RGS9: variants seen among roughly 807,000 people sequenced by gnomAD.
RGS9 encodes regulator of G protein signaling 9.
Under a neutral mutation model 102.0 loss-of-function variants are expected in RGS9, and 78 were observed. The ratio of observed to expected loss-of-function variants is 0.76; its 90% CI spans 0.64 to 0.92. RGS9 has a LOEUF of 0.92. Ranked by LOEUF, RGS9 falls within the 40% of genes least tolerant of loss-of-function variation. The pLI, the probability that RGS9 is intolerant of heterozygous loss-of-function variation, is 0.00. For missense variants in RGS9, 833 were observed against 866.1 expected (o/e 0.96, Z 0.48); for synonymous variants, 353 against 318.6 (o/e 1.11, Z -1.15).
intron 17 of RGS9, among the ~76,000 whole-genome samples, chr17:65,220,037 C>A (rs1026848384): frequency 6.6e-6 from 1 of 151,930 alleles, no homozygotes; most frequent in African/African-American, 2.4e-5. Context: ...ACCATCATCA[C>A]CATCATCACC....
chr17:65,201,546 A>G (rs1240782658), intron 13 of RGS9, among the ~76,000 whole-genome samples: 3 of 152,240 alleles, frequency 2.0e-5, no homozygotes, highest in Non-Finnish European at 2.9e-5. Context: ...GTAGCAACGC[A>G]TGTATAGAAG....
intron 9 of RGS9, among the ~76,000 whole-genome samples, chr17:65,178,781 A>G (rs147779673): frequency 6.6e-6 from 1 of 152,224 alleles, no homozygotes; most frequent in Admixed American, 6.5e-5. Context: ...CTGAGATTAC[A>G]GGTGTGAGCC....
intron 1 of RGS9, among the ~76,000 whole-genome samples, chr17:65,139,869 G>A (rs908012269): frequency 5.3e-5 from 8 of 152,198 alleles, no homozygotes; most frequent in African/African-American, 1.7e-4. Flanking sequence ...TGCAGAACAG[G>A]TCTCAAGAGC....
chr17:65,140,198 G>A (rs1238283944), intron 1 of RGS9, among the ~76,000 whole-genome samples: 1 of 152,226 alleles, frequency 6.6e-6, no homozygotes, highest in East Asian at 1.9e-4. Context: ...GTCGTTGTCT[G>A]TCACAAGTTG....
rs112230269 is a variant in RGS9, at chr17:65,167,745, C to T, written c.501-455C>T. Among the ~76,000 whole-genome samples the T allele has an allele frequency of 6.2e-3, 938 of 152,254 alleles. 7 individuals are homozygous for T. Among genetic ancestry groups the T allele is most frequent in the African/African-American group, 0.021 (877 of 41,548 alleles). On this transcript the variant is annotated intron_variant, in intron 7 of 18. Transcript: ENST00000262406. Reference sequence around the variant, plus strand: ...ATGTCGACCCGGAAGTTCACCCATGCGCGCTGCTCTCTAATGTTGAAGTTG... The same window carrying T: ...ATGTCGACCCGGAAGTTCACCCATGTGCGCTGCTCTCTAATGTTGAAGTTG...
At chr17:65,203,212 A>T (rs1026018940) in intron 14 of RGS9, among the ~76,000 whole-genome samples, 1 of 151,520 alleles carries the variant, frequency 6.6e-6, no homozygotes, top group African/African-American at 2.4e-5. Context: ...AGGTTCATAC[A>T]CTCTATTGCA....
At chr17:65,204,418 T>G in intron 15 of RGS9, 117 bp downstream of exon 15, 1 of 1,279,610 alleles carries the variant, frequency 7.8e-7, no homozygotes, top group Non-Finnish European at 1.1e-6. Flanking sequence ...GCTTTGCCGG[T>G]TGTGGCATGC....
chr17:65,139,496 A>C (rs1349670378), intron 1 of RGS9, among the ~76,000 whole-genome samples: 3 of 151,878 alleles, frequency 2.0e-5, no homozygotes, highest in Non-Finnish European at 4.4e-5. Flanking sequence ...GGGAAACAAC[A>C]AAGCAGCCAC....
At chr17:65,212,036 T>C (rs1210360344) in intron 17 of RGS9, among the ~76,000 whole-genome samples, 2 of 152,220 alleles carry the variant, frequency 1.3e-5, no homozygotes, top group Admixed American at 6.5e-5. Flanking sequence ...TTTCTCTGCT[T>C]CATGTACCTC....
chr17:65,154,761 C>T (rs954071538), intron 2 of RGS9, among the ~76,000 whole-genome samples: 4 of 152,196 alleles, frequency 2.6e-5, no homozygotes, highest in Non-Finnish European at 4.4e-5. Context: ...CTTGATTTTG[C>T]AGTAAAGACA....
intron 11 of RGS9, 85 bp from the exon 12 acceptor site, chr17:65,193,457 AG>A: frequency 1.2e-6 from 1 of 841,156 alleles, no homozygotes; most frequent in Non-Finnish European, 2.1e-6. Context: ...ACAGGAAAAG[AG>A]GACAGCCTGG....
intron 17 of RGS9, among the ~76,000 whole-genome samples, chr17:65,215,884 C>T (rs2144119824): frequency 6.6e-6 from 1 of 152,194 alleles, no homozygotes; most frequent in Non-Finnish European, 1.5e-5. Flanking sequence ...GTACCAGACA[C>T]TGGGAGCCTG....
intron 17 of RGS9, among the ~76,000 whole-genome samples, chr17:65,215,540 CT>C (rs1913487852): frequency 8.4e-6 from 1 of 118,610 alleles, no homozygotes; most frequent in African/African-American, 3.7e-5. Flanking sequence ...TTCTTTCTTT[CT>C]TTCTTTTTTT....
chr17:65,221,760 C>A (rs188716432), intron 17 of RGS9, among the ~76,000 whole-genome samples: 2 of 152,308 alleles, frequency 1.3e-5, no homozygotes, highest in South Asian at 4.2e-4. Flanking sequence ...TGGAGTCCCA[C>A]TTTGTGGTTC....
intron 1 of RGS9, among the ~76,000 whole-genome samples, chr17:65,145,925 G>T (rs1165404768): frequency 6.6e-6 from 1 of 152,084 alleles, no homozygotes; most frequent in Non-Finnish European, 1.5e-5. Context: ...ATGTTCCCGA[G>T]GTCCACGTGA....
intron 2 of RGS9, among the ~76,000 whole-genome samples, chr17:65,156,549 C>A (rs1039617686): frequency 1.3e-5 from 2 of 152,094 alleles, no homozygotes; most frequent in African/African-American, 4.8e-5. Flanking sequence ...TCTTGGACGG[C>A]AGGCGTCCCA....
At chr17:65,215,582 G>A (rs1175458021) in intron 17 of RGS9, among the ~76,000 whole-genome samples, 1 of 118,952 alleles carries the variant, frequency 8.4e-6, no homozygotes, top group Non-Finnish European at 1.7e-5. Flanking sequence ...AGGCTGGAGT[G>A]CAGTGGCACC....
intron 17 of RGS9, among the ~76,000 whole-genome samples, chr17:65,223,039 G>T (rs1905429471): frequency 6.6e-6 from 1 of 152,182 alleles, no homozygotes; most frequent in Non-Finnish European, 1.5e-5. Flanking sequence ...ACTTCTCTTA[G>T]TGTCCTCATC....
intron 2 of RGS9, among the ~76,000 whole-genome samples, chr17:65,155,634 G>A (rs867283575): frequency 6.6e-6 from 1 of 152,082 alleles, no homozygotes; most frequent in African/African-American, 2.4e-5. Flanking sequence ...TTGACCTCCT[G>A]GGCTCAAGTG....
Sources: gnomAD v4.1 joint callset for allele counts (sites outside exome capture counted in the v4.1 genomes callset) on GRCh38, gnomAD v4.1.1 for gene constraint, MANE v1.5 for transcripts, NCBI Gene and HGNC (gene_info 2026-07-23, HGNC 2026-07-21) for gene names.